JAM3: variants seen among roughly 807,000 people sequenced by gnomAD.
JAM3 encodes the protein junctional adhesion molecule C.
Under a neutral mutation model 39.4 loss-of-function variants are expected in JAM3, and 31 were observed. The ratio of observed to expected loss-of-function variants is 0.79; its 90% CI spans 0.59 to 1.06. JAM3 has a LOEUF of 1.06. Ranked by LOEUF, JAM3 falls within the 50% of genes least tolerant of loss-of-function variation. The probability of loss-of-function intolerance (pLI) is 0.00; values close to 1 mark genes in which losing one functional copy is unlikely to be tolerated. For missense variants in JAM3, 455 were observed against 391.4 expected, an observed-to-expected ratio of 1.16 and a Z score of -1.37; for synonymous variants, 182 against 148.7, an observed-to-expected ratio of 1.22 and a Z score of -1.63.
intron 1 of JAM3, among the ~76,000 whole-genome samples, chr11:134,135,656 G>A (rs1210074008): frequency 6.6e-6 from 1 of 151,658 alleles, no homozygotes; most frequent in East Asian, 1.9e-4. Context: ...TCCTGTGTCA[G>A]CCTACTGAGT....
intron 1 of JAM3, among the ~76,000 whole-genome samples, chr11:134,088,137 A>G (rs892139446): frequency 6.6e-6 from 1 of 152,228 alleles, no homozygotes; most frequent in Admixed American, 6.5e-5. Flanking sequence ...GACCAGGACT[A>G]GAACTCAACT....
intron 1 of JAM3, among the ~76,000 whole-genome samples, chr11:134,113,996 C>G (rs1259914): frequency 0.4 from 59,937 of 151,702 alleles, 12,920 homozygotes; most frequent in African/African-American, 0.58. Context: ...GTCTTCTTTT[C>G]AGAAGTGTCT....
At chr11:134,115,061 T>G (rs1942398028) in intron 1 of JAM3, among the ~76,000 whole-genome samples, 2 of 152,242 alleles carry the variant, frequency 1.3e-5, no homozygotes, top group Non-Finnish European at 2.9e-5. Flanking sequence ...TTTTATGTTC[T>G]TTTGATGAAT....
chr11:134,129,648 G>A (rs1207809665), intron 1 of JAM3, among the ~76,000 whole-genome samples: 1 of 152,146 alleles, frequency 6.6e-6, no homozygotes, highest in East Asian at 1.9e-4. Flanking sequence ...TGAAAGAAGG[G>A]TAAGTTTTTA....
intron 3 of JAM3, among the ~76,000 whole-genome samples, chr11:134,143,940 A>G (rs1591807791): frequency 6.6e-6 from 1 of 152,064 alleles, no homozygotes; most frequent in African/African-American, 2.4e-5. Flanking sequence ...TTTTCTATTC[A>G]TGGGCGGTCC....
At chr11:134,112,466 AACT>A (rs1200659252) in intron 1 of JAM3, among the ~76,000 whole-genome samples, 1 of 152,148 alleles carries the variant, frequency 6.6e-6, no homozygotes, top group Non-Finnish European at 1.5e-5. Flanking sequence ...ATCTAAATGA[AACT>A]ACTATGTGTG....
chr11:134,073,663 A>G (rs1315437181), intron 1 of JAM3, among the ~76,000 whole-genome samples: 1 of 152,220 alleles, frequency 6.6e-6, no homozygotes, highest in African/African-American at 2.4e-5. Context: ...CAGTCCTTAA[A>G]GAGCCAGGGT....
At chr11:134,148,927 C>A in intron 8 of JAM3, 109 bp downstream of exon 8, 1 of 1,093,508 alleles carries the variant, frequency 9.1e-7, no homozygotes, top group Non-Finnish European at 1.4e-6. Flanking sequence ...GATTGTGCAG[C>A]TCCTGAGCTC....
At chr11:134,121,821 G>GCACA (rs1555117431) in intron 1 of JAM3, among the ~76,000 whole-genome samples, 16 of 148,422 alleles carry the variant, frequency 1.1e-4, no homozygotes, top group African/African-American at 3.9e-4. Flanking sequence ...GCATGTGTGC[G>GCACA]CACACACACA....
At chr11:134,145,426 T>A in intron 5 of JAM3, 1 of 320,526 alleles carries the variant, frequency 3.1e-6, no homozygotes, top group South Asian at 2.9e-5. Flanking sequence ...ATAAAAGGTG[T>A]TTGGAATTTG....
chr11:134,148,749 C>G lies in JAM3; in HGVS notation c.843-15C>G, dbSNP rs748589121. The G allele has an allele frequency of 6.2e-7, 1 of 1,613,984 alleles. No homozygotes were observed. The highest frequency in any genetic ancestry group is 8.5e-7 in the Non-Finnish European group (1 of 1,179,994). On this transcript the variant is annotated splice_polypyrimidine_tract_variant and intron_variant, in intron 7 of 8. Coordinates refer to ENST00000299106, the MANE Select transcript of JAM3 (RefSeq NM_032801.5). ...ATAACAACCCTGTTGCTAAACTGCT[C>G]TCTTCTCCTCATAGTTACAAGAACC...
At chr11:134,094,720 G>T (rs972778374) in intron 1 of JAM3, among the ~76,000 whole-genome samples, 2 of 152,138 alleles carry the variant, frequency 1.3e-5, no homozygotes, top group Non-Finnish European at 2.9e-5. Context: ...CACTTTCGTG[G>T]CCCCTATACT....
chr11:134,144,146 G>T, intron 3 of JAM3, 95 bp from the exon 4 acceptor site: 3 of 1,173,508 alleles, frequency 2.6e-6, no homozygotes, highest in Non-Finnish European at 3.8e-6. Context: ...AGGCTTCCTT[G>T]CTGTGGCATC....
chr11:134,101,730 A>G (rs1178456584), intron 1 of JAM3, among the ~76,000 whole-genome samples: 1 of 152,004 alleles, frequency 6.6e-6, no homozygotes, highest in Non-Finnish European at 1.5e-5. Context: ...TTTTTCCTCC[A>G]GTTTTTATCG....
intron 1 of JAM3, among the ~76,000 whole-genome samples, chr11:134,083,970 T>G (rs1941707508): frequency 6.6e-6 from 1 of 152,214 alleles, no homozygotes; most frequent in Admixed American, 6.5e-5. Flanking sequence ...ATATTACCTT[T>G]TTTTCTCTTT....
chr11:134,107,475 G>A (rs1402993271), intron 1 of JAM3, among the ~76,000 whole-genome samples: 1 of 151,848 alleles, frequency 6.6e-6, no homozygotes, highest in African/African-American at 2.4e-5. Context: ...AGAACATAAA[G>A]TATAAAAAAT....
rs1457979605 is a variant in JAM3, at chr11:134,151,262, C to G, written c.*2081C>G. ...TGTGAAACACTTTGCCGCAGGCCGC[C>G]TGGCAGAGGCAGGAAATGCTCCAGC... On this transcript the variant is annotated 3_prime_UTR_variant, in exon 9 of 9. Transcript: ENST00000299106. 1.3e-5 allele frequency: 2 copies of G among 152,244 alleles called. No homozygotes were observed. Among genetic ancestry groups the G allele is most frequent in the Non-Finnish European group, 2.9e-5 (2 of 68,076 alleles). The allele number at this position is 152,244 out of a possible 1,614,324, so 9.4% of individuals were successfully genotyped here.
intron 1 of JAM3, among the ~76,000 whole-genome samples, chr11:134,137,943 C>T (rs1237704582): frequency 3.4e-5 from 4 of 118,750 alleles, no homozygotes; most frequent in African/African-American, 6.9e-5. Context: ...TCCCTTAGAG[C>T]CAGTGGTGGC....
At chr11:134,071,806 A>G (rs929864343) in intron 1 of JAM3, among the ~76,000 whole-genome samples, 14 of 151,974 alleles carry the variant, frequency 9.2e-5, no homozygotes, top group African/African-American at 3.4e-4. Flanking sequence ...GGCAGATATA[A>G]TCATTGTCAG....
Sources: gnomAD v4.1 joint callset for allele counts (sites outside exome capture counted in the v4.1 genomes callset) on GRCh38, gnomAD v4.1.1 for gene constraint, MANE v1.5 for transcripts, NCBI Gene and HGNC (gene_info 2026-07-23, HGNC 2026-07-21) for gene names.